HORMAD2: variants seen among roughly 807,000 people sequenced by gnomAD.
HORMAD2 encodes the protein HORMA domain containing 2, also known as HORMA domain-containing protein 2.
HORMAD2 carries 45 observed loss-of-function variants against 38.8 expected under a neutral mutation model. The ratio of observed to expected loss-of-function variants is 1.16; its 90% CI spans 0.91 to 1.49. HORMAD2 has a LOEUF of 1.49. HORMAD2 is among the 40% of genes most tolerant of loss of function. The pLI is 0.00. For synonymous variants in HORMAD2, 126 were observed against 122.8 expected, an observed-to-expected ratio of 1.03 and a Z score of -0.17; for missense variants, 338 against 367.0, an observed-to-expected ratio of 0.92 and a Z score of 0.65.
At chr22:30,175,526 A>C (rs574643443) in intron 10 of HORMAD2, among the ~76,000 whole-genome samples, 1 of 151,760 alleles carries the variant, frequency 6.6e-6, no homozygotes, top group Non-Finnish European at 1.5e-5. Flanking sequence ...AATCTTCACC[A>C]AAGCCAAACT....
chr22:30,137,261 C>G, intron 10 of HORMAD2: 1 of 565,022 alleles, frequency 1.8e-6, no homozygotes, highest in Non-Finnish European at 3.3e-6. Context: ...AAACTCACTT[C>G]AAACACATGA....
intron 1 of HORMAD2, among the ~76,000 whole-genome samples, chr22:30,083,876 C>T (rs2068526438): frequency 6.6e-6 from 1 of 152,058 alleles, no homozygotes; most frequent in South Asian, 2.1e-4. Context: ...TAGAAAGAGA[C>T]CCTCCCATGT....
chr22:30,148,350 G>A (rs1303241526), intron 10 of HORMAD2, among the ~76,000 whole-genome samples: 1 of 152,166 alleles, frequency 6.6e-6, no homozygotes, highest in East Asian at 1.9e-4. Flanking sequence ...ATAATGAATG[G>A]AAACAAATAA....
At chr22:30,167,203 A>C (rs559996648) in intron 10 of HORMAD2, among the ~76,000 whole-genome samples, 7 of 152,266 alleles carry the variant, frequency 4.6e-5, no homozygotes, top group African/African-American at 1.7e-4. Flanking sequence ...CTGTGTTCAC[A>C]TCTCCCATTG....
chr22:30,194,928 C>G, the HORMAD2 span, among the ~76,000 whole-genome samples: 6 of 152,110 alleles, frequency 3.9e-5, no homozygotes, highest in Non-Finnish European at 1.5e-5. Context: ...CACAGTGGCT[C>G]ACGCCTGTAA....
the HORMAD2 span, among the ~76,000 whole-genome samples, chr22:30,199,109 C>G: frequency 6.6e-6 from 1 of 152,186 alleles, no homozygotes; most frequent in Non-Finnish European, 1.5e-5. Context: ...GGGGGTTTCC[C>G]CAACCTAATT....
the HORMAD2 span, among the ~76,000 whole-genome samples, chr22:30,207,455 C>G: frequency 6.6e-6 from 1 of 152,052 alleles, no homozygotes; most frequent in Non-Finnish European, 1.5e-5. Flanking sequence ...TCCTGAAACA[C>G]AGCTTTTTTG....
the HORMAD2 span, among the ~76,000 whole-genome samples, chr22:30,183,939 A>T: frequency 3.3e-5 from 5 of 152,348 alleles, no homozygotes; most frequent in Non-Finnish European, 7.3e-5. Flanking sequence ...CAACCCCATG[A>T]TGTTTTCTTC....
chr22:30,088,014 T>C (rs1456610496), intron 1 of HORMAD2, among the ~76,000 whole-genome samples: 1 of 151,778 alleles, frequency 6.6e-6, no homozygotes, highest in African/African-American at 2.4e-5. Flanking sequence ...CATACATATA[T>C]ACATATACAG....
At chr22:30,147,331 T>C (rs1387472587) in intron 10 of HORMAD2, among the ~76,000 whole-genome samples, 1 of 152,136 alleles carries the variant, frequency 6.6e-6, no homozygotes, top group African/African-American at 2.4e-5. Flanking sequence ...CACACGTATG[T>C]AGTCAATAAT....
chr22:30,125,935 C>G (rs1168562537), intron 10 of HORMAD2, among the ~76,000 whole-genome samples: 1 of 152,064 alleles, frequency 6.6e-6, no homozygotes, highest in East Asian at 1.9e-4. Context: ...GTAAGGACCT[C>G]CTTACATTTT....
At chr22:30,193,287 T>C in the HORMAD2 span, among the ~76,000 whole-genome samples, 1 of 152,198 alleles carries the variant, frequency 6.6e-6, no homozygotes. Flanking sequence ...CTATGTTCTT[T>C]AATTCAACAA....
intron 7 of HORMAD2, among the ~76,000 whole-genome samples, chr22:30,118,435 G>A (rs764080607): frequency 2.6e-5 from 4 of 152,164 alleles, no homozygotes; most frequent in African/African-American, 9.7e-5. Flanking sequence ...CCAAACCAAA[G>A]CAGCACTTGT....
In HORMAD2 at chr22:30,165,931, CTTTT is replaced by C. The variant is rs1232960675; in HGVS notation, c.820-10130_820-10127del. 1.1e-4 allele frequency among the ~76,000 whole-genome samples: 16 copies of C among 151,486 alleles called. No homozygotes were observed. The South Asian group carries it at 3.1e-3, about 30-fold the overall frequency. ...GTAACTGTTTCCCCTCATTCTTCTTCTTTTTGTTTATTCCCTTTATTTTTATTAT... is the reference window on the plus strand; with the variant it reads ...GTAACTGTTTCCCCTCATTCTTCTTCTGTTTATTCCCTTTATTTTTATTAT... On this transcript the variant is annotated intron_variant, in intron 10 of 10. Coordinates refer to ENST00000336726, the MANE Select transcript of HORMAD2 (RefSeq NM_152510.4).
At chr22:30,094,225 G>A (rs952589030) in intron 2 of HORMAD2, among the ~76,000 whole-genome samples, 1 of 152,188 alleles carries the variant, frequency 6.6e-6, no homozygotes, top group African/African-American at 2.4e-5. Context: ...CTTGTTTCAT[G>A]TTTATGTAAT....
chr22:30,099,094 A>C, intron 3 of HORMAD2, 101 bp downstream of exon 3: 1 of 1,007,708 alleles, frequency 9.9e-7, no homozygotes. Flanking sequence ...ATTCCAACTT[A>C]AGGGCCTGTT....
At chr22:30,197,997 T>C in the HORMAD2 span, among the ~76,000 whole-genome samples, 1 of 146,186 alleles carries the variant, frequency 6.8e-6, no homozygotes, top group African/African-American at 2.6e-5. Context: ...GGCAACATGG[T>C]AAAATCTGTC....
At chr22:30,115,347 ATCCCCTT>A (rs1921961962) in intron 7 of HORMAD2, among the ~76,000 whole-genome samples, 1 of 152,078 alleles carries the variant, frequency 6.6e-6, no homozygotes, top group African/African-American at 2.4e-5. Flanking sequence ...GTCTCAAAGG[ATCCCCTT>A]GCCTCAGCCT....
chr22:30,130,856 C>G (rs1201516693), intron 10 of HORMAD2, among the ~76,000 whole-genome samples: 2 of 152,184 alleles, frequency 1.3e-5, no homozygotes, highest in African/African-American at 4.8e-5. Flanking sequence ...CTCCGCCTCC[C>G]AAAGTGCTGG....
Sources: gnomAD v4.1 joint callset for allele counts (sites outside exome capture counted in the v4.1 genomes callset) on GRCh38, gnomAD v4.1.1 for gene constraint, MANE v1.5 for transcripts, NCBI Gene and HGNC (gene_info 2026-07-23, HGNC 2026-07-21) for gene names.